Variants in MAEA observed in about 807,000 individuals in gnomAD.
MAEA encodes macrophage erythroblast attacher, E3 ubiquitin ligase.
In MAEA, 22 loss-of-function variants were observed where a neutral mutation model predicts 46.2. The observed-to-expected ratio is 0.48, with a 90% CI of 0.34 to 0.68. The LOEUF is 0.68. Ranked by LOEUF, MAEA falls within the 30% of genes least tolerant of loss-of-function variation. The pLI is 0.01. For missense variants in MAEA, 393 were observed against 558.1 expected, an observed-to-expected ratio of 0.70 and a Z score of 2.98; for synonymous variants, 246 against 222.6, an observed-to-expected ratio of 1.11 and a Z score of -0.94.
chr4:1,327,975 G>A (rs1739061869), intron 5 of MAEA, among the ~76,000 whole-genome samples: 1 of 152,244 alleles, frequency 6.6e-6, no homozygotes, highest in African/African-American at 2.4e-5. Context: ...AACCAGCTTT[G>A]AGGTCCCGAC....
intron 5 of MAEA, among the ~76,000 whole-genome samples, chr4:1,328,227 C>T (rs1486610526): frequency 1.3e-5 from 2 of 152,224 alleles, no homozygotes; most frequent in Admixed American, 6.5e-5. Flanking sequence ...AGGCCAGCGG[C>T]GCCCTGGTGG....
At chr4:1,319,399 C>T (rs1737716765) in intron 3 of MAEA, among the ~76,000 whole-genome samples, 1 of 152,042 alleles carries the variant, frequency 6.6e-6, no homozygotes, top group South Asian at 2.1e-4. Context: ...GACAGAAAAC[C>T]AGTTCACTTA....
intron 1 of MAEA, chr4:1,309,803 G>A: frequency 7.1e-7 from 1 of 1,406,156 alleles, no homozygotes; most frequent in Middle Eastern, 2.5e-4. Context: ...TGGGAGCAAA[G>A]GGTTCCTGTC....
intron 2 of MAEA, 99 bp from the exon 3 acceptor site, chr4:1,315,298 C>T: frequency 1.8e-6 from 2 of 1,140,734 alleles, no homozygotes; most frequent in East Asian, 2.4e-5. Flanking sequence ...CCCTGCTTTT[C>T]TCCTTGTGAG....
intron 2 of MAEA, 147 bp downstream of exon 2, chr4:1,312,308 G>A: frequency 4.9e-6 from 4 of 821,262 alleles, no homozygotes; most frequent in Non-Finnish European, 5.7e-6. Context: ...GCCTTCTGGG[G>A]CCACTGTCGG....
chr4:1,295,317 C>G (rs921989563), intron 1 of MAEA, among the ~76,000 whole-genome samples: 2 of 152,078 alleles, frequency 1.3e-5, no homozygotes, highest in African/African-American at 2.4e-5. Flanking sequence ...AGCTAGGGGC[C>G]ATTATTTTGA....
At chr4:1,327,767 G>C in intron 5 of MAEA, 64 bp downstream of exon 5, 1 of 1,455,592 alleles carries the variant, frequency 6.9e-7, no homozygotes, top group Non-Finnish European at 9.6e-7. Context: ...GCCCCTGCCA[G>C]CCCTCCCTGT....
At chr4:1,317,426 G>A (rs556823251) in intron 3 of MAEA, among the ~76,000 whole-genome samples, 1 of 151,626 alleles carries the variant, frequency 6.6e-6, no homozygotes, top group African/African-American at 2.4e-5. Context: ...CCACCCTCTT[G>A]CTGGCTCTTG....
chr4:1,338,684 G>T (rs920753738), intron 8 of MAEA, 67 bp downstream of exon 8: 1 of 1,455,650 alleles, frequency 6.9e-7, no homozygotes, highest in African/African-American at 1.4e-5. Flanking sequence ...TGTGTGGGAC[G>T]GGCAGGGCAG....
intron 1 of MAEA, among the ~76,000 whole-genome samples, chr4:1,306,574 G>A (rs543888447): frequency 1.3e-5 from 2 of 152,208 alleles, no homozygotes; most frequent in Non-Finnish European, 2.9e-5. Context: ...TGAGGCTGCA[G>A]GAGTTGGCTG....
chr4:1,329,855 G>C, intron 5 of MAEA: 2 of 985,588 alleles, frequency 2.0e-6, no homozygotes, highest in Non-Finnish European at 2.4e-6. Context: ...GCTCCAGGCA[G>C]GGCCCTCTCA....
chr4:1,320,932 C>G (rs777111044), intron 3 of MAEA, among the ~76,000 whole-genome samples: 2 of 152,204 alleles, frequency 1.3e-5, no homozygotes, highest in Non-Finnish European at 2.9e-5. Context: ...AACCCTGTCT[C>G]TACTAAAAAT....
chr4:1,296,493 C>A (rs28444605), intron 1 of MAEA, among the ~76,000 whole-genome samples: 20,224 of 139,150 alleles, frequency 0.15, 1,733 homozygotes, highest in African/African-American at 0.23. Context: ...CCCTCACTTG[C>A]GCTGTGCCCC....
chr4:1,338,801 G>A lies in MAEA; in HGVS notation c.1095+184G>A, dbSNP rs145095729. The A allele has an allele frequency of 4.3e-3, 3,054 of 715,906 alleles. 84 individuals carry two copies. The African/African-American group carries it at 0.049, about 11-fold the overall frequency. 44.3% of individuals were successfully genotyped at this position (715,906 alleles called of 1,614,324 possible). A position where few individuals can be genotyped will look rare whatever the true frequency, so the allele number is the denominator to read the frequency against. ...CCATCGGGACAGGGCTGTGTGGGGC[G>A]GGCAGGGCAGCGGGGCCAGGCTGGC... On this transcript the variant is annotated intron_variant, in intron 8 of 8. Transcript: ENST00000303400.
At chr4:1,336,189 G>T (rs10028727) in intron 6 of MAEA, among the ~76,000 whole-genome samples, 3,110 of 150,828 alleles carry the variant, frequency 0.021, 96 homozygotes, top group African/African-American at 0.07. Flanking sequence ...AAATCAGAGA[G>T]TTCCAGCACT....
At chr4:1,334,018 CCATGCCCACCCCATGCCCACCA>C (rs1442398865) in intron 6 of MAEA, among the ~76,000 whole-genome samples, 1 of 38,904 alleles carries the variant, frequency 2.6e-5, no homozygotes, top group African/African-American at 1.5e-4. Flanking sequence ...GTGCTCACCC[CCATGCCCACCCCATGCCCACCA>C]TGTGCTCACC....
At chr4:1,329,778 T>G (rs2108989622) in intron 5 of MAEA, 1 of 985,404 alleles carries the variant, frequency 1.0e-6, no homozygotes. Flanking sequence ...CCAGAGGGTG[T>G]TGTGTATCAC....
chr4:1,314,745 G>T (rs1736921212), intron 2 of MAEA, among the ~76,000 whole-genome samples: 1 of 152,248 alleles, frequency 6.6e-6, no homozygotes, highest in Admixed American at 6.5e-5. Flanking sequence ...GAGGGCAAAA[G>T]ATGACTTCCA....
At chr4:1,302,378 T>A (rs1423780826) in intron 1 of MAEA, among the ~76,000 whole-genome samples, 1 of 152,248 alleles carries the variant, frequency 6.6e-6, no homozygotes, top group South Asian at 2.1e-4. Context: ...AGACAGCTGC[T>A]CAGAACAGGG....
Sources: allele counts gnomAD v4.1 joint callset (sites outside exome capture counted in the v4.1 genomes callset), GRCh38; gene constraint gnomAD v4.1.1; transcripts MANE v1.5; gene names NCBI Gene and HGNC (gene_info 2026-07-23, HGNC 2026-07-21).